The following SDHB variants were observed in gnomAD, a reference collection of about 807,000 sequenced individuals.
SDHB encodes succinate dehydrogenase [ubiquinone] iron-sulfur subunit, mitochondrial.
In SDHB, 21 loss-of-function variants were observed where a neutral mutation model predicts 39.7. The observed-to-expected ratio is 0.53, with a 90% CI of 0.37 to 0.76. The LOEUF is 0.76. Among genes scored for constraint, SDHB ranks in the 30% least tolerant of loss-of-function variants. SDHB has a pLI of 0.00. For synonymous variants in SDHB, 118 were observed against 117.0 expected (o/e 1.01, Z -0.06); for missense variants, 343 against 350.9 (o/e 0.98, Z 0.18).
In SDHB at chr1:17,044,809, T is replaced by C; in HGVS notation, c.152A>G (p.Lys51Arg). The C allele has an allele frequency of 6.2e-7, 1 of 1,614,134 alleles. No homozygotes were observed. Among genetic ancestry groups the C allele is most frequent in the Non-Finnish European group, 8.5e-7 (1 of 1,180,002 alleles). The change falls in exon 2 of 8, where the codon AAG becomes AGG. Residue 51 changes from lysine (K) to arginine (R), a missense_variant. Lys to Arg is a conservative substitution (Grantham distance 26, BLOSUM62 2). Coordinates refer to ENST00000375499, the MANE Select transcript of SDHB (RefSeq NM_003000.3). ...CTGCATATGAGGTTTGTCTCCAGCC[T>C]TGTCTGGGTCCCATCGATAGATGGC... Reference protein sequence around the residue: ...KFAIYRWDPDKAGDKPHMQTY... With the variant: ...KFAIYRWDPDRAGDKPHMQTY...
At chr1:17,027,640 A>G (rs2077998370) in intron 5 of SDHB, 109 bp downstream of exon 5, 1 of 786,372 alleles carries the variant, frequency 1.3e-6, no homozygotes, top group Admixed American at 1.7e-5. Flanking sequence ...TCCTCTCCAG[A>G]ATACACTAAA....
chr1:17,053,705 C>G (rs542235350), intron 1 of SDHB, among the ~76,000 whole-genome samples: 6 of 151,776 alleles, frequency 4.0e-5, no homozygotes, highest in African/African-American at 7.3e-5. Flanking sequence ...GAACGTCCCC[C>G]CCCCCCGCAC....
At chr1:17,033,912 C>T (rs985635038) in intron 2 of SDHB, among the ~76,000 whole-genome samples, 5 of 152,120 alleles carry the variant, frequency 3.3e-5, no homozygotes, top group African/African-American at 7.2e-5. Context: ...TGTGATTCTA[C>T]GGAAATTACT....
At position 17,024,110 on chromosome 1, in the gene SDHB, C is replaced by T. The variant is rs537705928; in HGVS notation, c.541-36G>A. 37 of 1,426,206 alleles carry T rather than the reference C, an allele frequency of 2.6e-5. No individual in the cohort carries two copies. The highest frequency in any genetic ancestry group is 1.7e-4 in the Middle Eastern group (1 of 5,716). 88.3% of individuals were successfully genotyped at this position (1,426,206 alleles called of 1,614,324 possible). The stretch of plus-strand genomic sequence containing the variant: ...AGAAAAGAGAGGCAGGAGCTTGTGA[C>T]GGGAGAGACTCTGCTATGTCTTCAG... On this transcript the variant is annotated intron_variant, in intron 5 of 7. Transcript: ENST00000375499.
chr1:17,030,207 ATTG>A (rs1479388813), intron 3 of SDHB, among the ~76,000 whole-genome samples: 1 of 152,028 alleles, frequency 6.6e-6, no homozygotes, highest in African/African-American at 2.4e-5. Context: ...GAAAAAAATA[ATTG>A]TTTTTTGTAG....
At chr1:17,027,574 G>A (rs961382742) in intron 5 of SDHB, 175 bp downstream of exon 5, 16 of 642,996 alleles carry the variant, frequency 2.5e-5, no homozygotes, top group Admixed American at 1.3e-4. Flanking sequence ...GGCCATTCAC[G>A]GGTTCACACT....
Position 17,034,050 on chromosome 1 carries a change from T to C in SDHB, c.201-905A>G, listed in dbSNP as rs565812767. 2.0e-5 allele frequency among the ~76,000 whole-genome samples: 3 copies of C among 152,338 alleles called. No homozygotes were observed. The South Asian group carries it at 6.2e-4, about 32-fold the overall frequency. ...AGTGCTCCACAAATCTATTTTCTGG[T>C]TGCCACCCTGCCCCCATTCCACTCA... On this transcript the variant is annotated intron_variant, in intron 2 of 7. Coordinates refer to ENST00000375499, the MANE Select transcript of SDHB (RefSeq NM_003000.3).
At chr1:17,044,706 C>T in intron 2 of SDHB, 55 bp downstream of exon 2, 6 of 1,589,416 alleles carry the variant, frequency 3.8e-6, no homozygotes, top group Middle Eastern at 1.7e-4. Flanking sequence ...AAAGCATGTC[C>T]CTAAATCAAA....
At chr1:17,036,739 T>C (rs1432333194) in intron 2 of SDHB, among the ~76,000 whole-genome samples, 1 of 146,632 alleles carries the variant, frequency 6.8e-6, no homozygotes. Context: ...TAAATATGAA[T>C]ATATAAATAT....
chr1:17,029,597 A>AT (rs1031335055), intron 3 of SDHB, among the ~76,000 whole-genome samples: 1 of 151,934 alleles, frequency 6.6e-6, no homozygotes, highest in Non-Finnish European at 1.5e-5. Context: ...GGAAACCTAG[A>AT]TTTTTTAAAG....
Position 17,042,928 on chromosome 1 carries a change from A to G in SDHB, c.200+1833T>C, listed in dbSNP as rs190704348. 8.1e-5 allele frequency among the ~76,000 whole-genome samples: 12 copies of G among 148,590 alleles called. No homozygotes were observed. The East Asian group carries it at 2.0e-3, about 24-fold the overall frequency. On this transcript the variant is annotated intron_variant, in intron 2 of 7. Coordinates refer to ENST00000375499, the MANE Select transcript of SDHB (RefSeq NM_003000.3). ...AGAAGTGTACTTTTTTTTAGTTTCTAAGCAGTAGGGTTTTTTGTTTTATGA... is the reference window on the plus strand; with the variant it reads ...AGAAGTGTACTTTTTTTTAGTTTCTGAGCAGTAGGGTTTTTTGTTTTATGA...
rs41310416 is a variant in SDHB at position 17,033,082 on chromosome 1, G to A, written c.264C>T (p.Thr88=). 11 of 1,613,662 alleles carry A rather than the reference G, an allele frequency of 6.8e-6. No homozygotes were observed. Among genetic ancestry groups the A allele is most frequent in the Admixed American group, 6.7e-5 (4 of 60,018 alleles). ...CACCTTCTCTGCATGATCTTCGGAA[G>A]GTCAAAGTAGAGTCAACTTCATTCT... ...KIKNEVDSTL[T]FRRSCREGIC... Residue 88 remains threonine, a synonymous_variant, in exon 3 of 8, where the codon ACC becomes ACT. Transcript: ENST00000375499.
intron 2 of SDHB, among the ~76,000 whole-genome samples, chr1:17,043,877 G>A (rs546899744): frequency 3.9e-5 from 6 of 152,246 alleles, no homozygotes; most frequent in Non-Finnish European, 5.9e-5. Flanking sequence ...CACCAATAGC[G>A]CAAATGAGCA....
At chr1:17,039,176 G>A (rs1454649888) in intron 2 of SDHB, among the ~76,000 whole-genome samples, 2 of 151,856 alleles carry the variant, frequency 1.3e-5, no homozygotes, top group African/African-American at 4.8e-5. Flanking sequence ...TTTTGCTGCT[G>A]TTCTCTTCTT....
At chr1:17,051,503 G>C (rs1346444765) in intron 1 of SDHB, among the ~76,000 whole-genome samples, 2 of 152,140 alleles carry the variant, frequency 1.3e-5, no homozygotes, top group South Asian at 2.1e-4. Flanking sequence ...AAAGCAAAAA[G>C]GACTGTATGA....
At chr1:17,045,696 A>C (rs2078106127) in intron 1 of SDHB, among the ~76,000 whole-genome samples, 1 of 152,226 alleles carries the variant, frequency 6.6e-6, no homozygotes, top group Admixed American at 6.5e-5. Context: ...AAAACTCGGA[A>C]GGTTAATTGA....
intron 7 of SDHB, 139 bp downstream of exon 7, chr1:17,022,469 C>G: frequency 8.2e-7 from 1 of 1,220,494 alleles, no homozygotes; most frequent in East Asian, 2.4e-5. Context: ...TAGGCTCACA[C>G]TGAAAGGACA....
intron 2 of SDHB, among the ~76,000 whole-genome samples, chr1:17,040,186 AC>A (rs1252795218): frequency 6.6e-6 from 1 of 151,912 alleles, no homozygotes; most frequent in Non-Finnish European, 1.5e-5. Flanking sequence ...GCAATTTTTC[AC>A]CTGGTTTCCT....
chr1:17,029,598 T>A (rs1293970661), intron 3 of SDHB, among the ~76,000 whole-genome samples: 4 of 151,990 alleles, frequency 2.6e-5, no homozygotes, highest in African/African-American at 9.7e-5. Flanking sequence ...GAAACCTAGA[T>A]TTTTTAAAGC....
Sources: allele counts gnomAD v4.1 joint callset (sites outside exome capture counted in the v4.1 genomes callset), GRCh38; gene constraint gnomAD v4.1.1; transcripts MANE v1.5; gene names NCBI Gene and HGNC (gene_info 2026-07-23, HGNC 2026-07-21).